Variants in NAV3 observed in about 807,000 individuals in gnomAD.
The protein encoded by NAV3 is neuron navigator 3.
Under a neutral mutation model 244.7 loss-of-function variants are expected in NAV3, and 87 were observed. The ratio of observed to expected loss-of-function variants is 0.36; its 90% confidence interval spans 0.30 to 0.42. The LOEUF (loss-of-function observed/expected upper bound fraction) is 0.42, where lower values mean the gene tolerates loss of function less well. Among genes scored for constraint, NAV3 ranks in the 20% least tolerant of loss-of-function variants. NAV3 has a pLI of 1.00. For missense variants in NAV3, 2,663 were observed against 2,893.3 expected (o/e 0.92, Z 1.83); for synonymous variants, 1,126 against 1,042.2 (o/e 1.08, Z -1.55).
rs1281934680 is a variant in NAV3, at chr12:78,050,117, G to A, written c.2132+16G>A. 1.9e-6 allele frequency: 3 copies of A among 1,550,756 alleles called. No individual in the cohort carries two copies. The highest frequency in any genetic ancestry group is 1.7e-4 in the Middle Eastern group (1 of 5,934). On this transcript the variant is annotated intron_variant, in intron 10 of 39. Coordinates refer to ENST00000397909, the MANE Select transcript of NAV3 (RefSeq NM_001024383.2). ...TAAGCCACAGGTTTTTTTCAATTTTGCATATATTTGAGCCAATAAAGAAAA... is the reference window on the plus strand; with the variant it reads ...TAAGCCACAGGTTTTTTTCAATTTTACATATATTTGAGCCAATAAAGAAAA...
chr12:77,654,637 C>T (rs908318931), intron 2 of NAV3, among the ~76,000 whole-genome samples: 12 of 152,272 alleles, frequency 7.9e-5, no homozygotes, highest in East Asian at 7.8e-4. Context: ...GATCTGAGAA[C>T]GGGCAGACTG....
At chr12:77,770,701 G>A (rs1269887086) in intron 2 of NAV3, among the ~76,000 whole-genome samples, 1 of 152,120 alleles carries the variant, frequency 6.6e-6, no homozygotes, top group East Asian at 1.9e-4. Context: ...GGGAAAACTG[G>A]CTAGCCATAT....
chr12:78,058,984 A>C lies in NAV3; in HGVS notation c.2517-12A>C, dbSNP rs760089919. On this transcript the variant is annotated splice_polypyrimidine_tract_variant and intron_variant, in intron 11 of 39. Transcript: ENST00000397909. ...TTAGTTTTCTGTGAATTAATTAGAC[A>C]TTTCTTTTCAGGTACATGACAGATG... The C allele has an allele frequency of 6.8e-5, 107 of 1,582,350 alleles. No homozygotes were observed. The highest frequency in any genetic ancestry group is 8.7e-5 in the Non-Finnish European group (102 of 1,166,910).
intron 1 of NAV3, among the ~76,000 whole-genome samples, chr12:77,913,990 C>G (rs1461121416): frequency 6.7e-6 from 1 of 149,186 alleles, no homozygotes. Flanking sequence ...TTTCTTTATT[C>G]TTTGTGGATC....
chr12:77,795,957 G>A (rs778974788), intron 2 of NAV3, among the ~76,000 whole-genome samples: 2 of 152,136 alleles, frequency 1.3e-5, no homozygotes, highest in Non-Finnish European at 2.9e-5. Context: ...AATCCACTCA[G>A]TAATTCCGCA....
intron 12 of NAV3, among the ~76,000 whole-genome samples, chr12:78,107,138 C>T (rs1954843687): frequency 6.6e-6 from 1 of 152,136 alleles, no homozygotes; most frequent in African/African-American, 2.4e-5. Flanking sequence ...TCAACAATAT[C>T]CTACATTCAA....
In NAV3 at chr12:77,940,128, G is replaced by A. The variant is rs1202435847; in HGVS notation, c.244-191G>A. 2.0e-5 allele frequency: 11 copies of A among 545,902 alleles called. No individual in the cohort carries two copies. The East Asian group carries it at 3.0e-4, about 15-fold the overall frequency. 33.8% of individuals were successfully genotyped at this position (545,902 alleles called of 1,614,324 possible). On this transcript the variant is annotated intron_variant, in intron 1 of 39. Transcript: ENST00000397909. ...ATTTTGAGAGTGAATCATCCCCTTT[G>A]AAATGAGAGATAAGTTGGGGAAAGA...
chr12:77,620,789 C>G (rs1871341425), intron 2 of NAV3, among the ~76,000 whole-genome samples: 1 of 152,024 alleles, frequency 6.6e-6, no homozygotes, highest in Admixed American at 6.6e-5. Context: ...AAAAAGGAAC[C>G]AAGATAGCTG....
intron 2 of NAV3, among the ~76,000 whole-genome samples, chr12:77,574,116 C>T (rs1279377262): frequency 6.6e-6 from 1 of 152,080 alleles, no homozygotes; most frequent in African/African-American, 2.4e-5. Context: ...GGAAGACCCC[C>T]ATCTCACTAT....
intron 3 of NAV3, among the ~76,000 whole-genome samples, chr12:77,951,202 A>G (rs141399837): frequency 2.0e-4 from 30 of 152,266 alleles, no homozygotes; most frequent in Middle Eastern, 3.4e-3. Flanking sequence ...GAATCTACAA[A>G]GAACTCAAAC....
At position 78,007,265 on chromosome 12, in the gene NAV3, C is replaced by T. The variant is rs562031683; in HGVS notation, c.1727C>T (p.Ala576Val). The T allele has an allele frequency of 1.4e-4, 227 of 1,614,100 alleles. No homozygotes were observed. The highest frequency in any genetic ancestry group is 1.8e-4 in the Non-Finnish European group (217 of 1,180,046). The change falls in exon 8 of 40, where the codon GCT becomes GTT. Residue 576 changes from alanine to valine, a missense_variant. By Grantham distance (64) the Ala-to-Val change is moderately conservative. This residue lies in a region of NAV3 where 1,521 missense variants were observed against 1,497.0 expected (regional missense o/e 1.02). Transcript: ENST00000397909. ...CCTATAACCATGGAGAAAGCAAGTG[C>T]TTCTAGTTGTCCTGCCCCTTTGGAA... is the stretch of plus-strand genomic sequence containing the variant. ...SKPITMEKAS[A>V]SSCPAPLEGR...
intron 5 of NAV3, among the ~76,000 whole-genome samples, chr12:77,994,351 G>A (rs1329894162): frequency 6.6e-6 from 1 of 152,172 alleles, no homozygotes; most frequent in Non-Finnish European, 1.5e-5. Flanking sequence ...ATTGAAAAAA[G>A]CAAATTAGAA....
At chr12:77,600,722 G>A (rs1870390308) in intron 2 of NAV3, among the ~76,000 whole-genome samples, 1 of 151,962 alleles carries the variant, frequency 6.6e-6, no homozygotes, top group African/African-American at 2.4e-5. Flanking sequence ...CATGGTCAGA[G>A]AGGGTACAGC....
intron 2 of NAV3, among the ~76,000 whole-genome samples, chr12:77,774,875 G>A (rs976850623): frequency 6.6e-6 from 1 of 152,184 alleles, no homozygotes; most frequent in African/African-American, 2.4e-5. Flanking sequence ...AAGAAATTAG[G>A]AGACAAAGAC....
At chr12:77,586,256 T>C (rs1869609502) in intron 2 of NAV3, among the ~76,000 whole-genome samples, 1 of 152,212 alleles carries the variant, frequency 6.6e-6, no homozygotes, top group East Asian at 1.9e-4. Context: ...TTGACCAATA[T>C]TAAGATTTTT....
intron 2 of NAV3, among the ~76,000 whole-genome samples, chr12:77,752,550 C>G (rs1391169864): frequency 6.6e-6 from 1 of 152,128 alleles, no homozygotes; most frequent in Admixed American, 6.6e-5. Context: ...AGTCTCAAGT[C>G]CAATGGCTTT....
intron 15 of NAV3, 102 bp downstream of exon 15, chr12:78,120,047 A>G: frequency 3.3e-6 from 2 of 610,390 alleles, no homozygotes; most frequent in Non-Finnish European, 4.8e-6. Flanking sequence ...TTAAATATGT[A>G]TAAGGTATAT....
intron 3 of NAV3, among the ~76,000 whole-genome samples, chr12:77,949,863 C>T (rs1310387081): frequency 6.6e-6 from 1 of 152,072 alleles, no homozygotes; most frequent in Non-Finnish European, 1.5e-5. Context: ...GATTGTTTTA[C>T]TGTCCCTGTG....
intron 20 of NAV3, among the ~76,000 whole-genome samples, chr12:78,144,363 A>G (rs563149910): frequency 6.6e-6 from 1 of 152,224 alleles, no homozygotes; most frequent in African/African-American, 2.4e-5. Context: ...TATCATCTCC[A>G]GGACATTGGG....
Sources: allele counts gnomAD v4.1 joint callset (sites outside exome capture counted in the v4.1 genomes callset), GRCh38; gene constraint gnomAD v4.1.1; regional missense constraint gnomAD v4.1.1; transcripts MANE v1.5; gene names NCBI Gene and HGNC (gene_info 2026-07-23, HGNC 2026-07-21).